CLEC16A: variants seen among roughly 807,000 people sequenced by gnomAD.
CLEC16A encodes the protein protein CLEC16A.
In CLEC16A, 51 loss-of-function variants were observed where a neutral mutation model predicts 109.5. The ratio of observed to expected loss-of-function variants is 0.47; its 90% CI spans 0.37 to 0.59. CLEC16A has a LOEUF of 0.59. CLEC16A is among the 20% of genes least tolerant of loss of function. CLEC16A has a pLI of 0.00. For missense variants in CLEC16A, 1,339 were observed against 1,394.0 expected (o/e 0.96, Z 0.63); for synonymous variants, 673 against 564.2 (o/e 1.19, Z -2.73).
chr16:10,990,462 GA>G (rs2043937821), intron 10 of CLEC16A, among the ~76,000 whole-genome samples: 1 of 152,242 alleles, frequency 6.6e-6, no homozygotes, highest in African/African-American at 2.4e-5. Context: ...TAGTACTTGA[GA>G]AGGGAGCAGG....
intron 11 of CLEC16A, among the ~76,000 whole-genome samples, chr16:11,007,863 C>A (rs923761065): frequency 1.3e-5 from 2 of 151,912 alleles, no homozygotes; most frequent in African/African-American, 4.8e-5. Flanking sequence ...ATCAGCAGGC[C>A]CAGGCGCTGC....
intron 10 of CLEC16A, among the ~76,000 whole-genome samples, chr16:10,998,593 C>T (rs2044470147): frequency 6.6e-6 from 1 of 152,190 alleles, no homozygotes; most frequent in Admixed American, 6.5e-5. Flanking sequence ...GGTGAGCTTG[C>T]TCTTTCATTC....
At chr16:11,030,284 C>G (rs2046664128) in intron 13 of CLEC16A, among the ~76,000 whole-genome samples, 1 of 152,190 alleles carries the variant, frequency 6.6e-6, no homozygotes. Context: ...ATGGCTGAAT[C>G]ATATTTCCCA....
Position 10,982,944 on chromosome 16 carries a change from C to T in CLEC16A, c.1024C>T (p.Leu342=). 1.2e-6 allele frequency: 2 copies of T among 1,612,984 alleles called. No homozygotes were observed. The highest frequency in any genetic ancestry group is 1.7e-6 in the Non-Finnish European group (2 of 1,178,940). Residue 342 remains leucine, a synonymous_variant, in exon 10 of 24, where the codon CTG becomes TTG. Transcript: ENST00000409790. Reference sequence around the variant, plus strand: ...AGCTGAAGTCATTCTGAATGGTGATCTGTCTGAGATGTACGCTAAGACTGA... The same window carrying T: ...AGCTGAAGTCATTCTGAATGGTGATTTGTCTGAGATGTACGCTAAGACTGA... ...SLAEVILNGD[L]SEMYAKTEQD...
intron 22 of CLEC16A, among the ~76,000 whole-genome samples, chr16:11,151,368 G>A (rs1182482897): frequency 1.3e-5 from 2 of 152,312 alleles, no homozygotes; most frequent in South Asian, 2.1e-4. Flanking sequence ...TGCCCACCTG[G>A]TCACACCTGG....
At chr16:11,012,488 G>C (rs527980484) in intron 11 of CLEC16A, among the ~76,000 whole-genome samples, 1 of 151,490 alleles carries the variant, frequency 6.6e-6, no homozygotes. Context: ...CCAGCTACTC[G>C]GGAGGCTGAG....
chr16:11,148,900 G>A (rs1289051706), intron 22 of CLEC16A, among the ~76,000 whole-genome samples: 2 of 152,246 alleles, frequency 1.3e-5, no homozygotes, highest in Non-Finnish European at 2.9e-5. Flanking sequence ...GCAGTTCTGT[G>A]TAGGAGGCAG....
At chr16:11,165,366 C>T (rs968349704) in intron 22 of CLEC16A, among the ~76,000 whole-genome samples, 2 of 152,112 alleles carry the variant, frequency 1.3e-5, no homozygotes, top group South Asian at 2.1e-4. Flanking sequence ...GTGGCATATC[C>T]CTGTAGTCCC....
At chr16:10,948,175 G>A (rs530460078) in intron 1 of CLEC16A, among the ~76,000 whole-genome samples, 1 of 152,326 alleles carries the variant, frequency 6.6e-6, no homozygotes, top group South Asian at 2.1e-4. Context: ...TTACAGGCAT[G>A]AGCCACTGCA....
chr16:11,178,889 A>G lies in CLEC16A; in HGVS notation c.*199A>G. Reference sequence around the variant, plus strand: ...TTCCTTTTTCACTTTGCATCTCTTCACGTGCAGGCTGGGACCAGCGGAGAC... The same window carrying G: ...TTCCTTTTTCACTTTGCATCTCTTCGCGTGCAGGCTGGGACCAGCGGAGAC... On this transcript the variant is annotated 3_prime_UTR_variant, in exon 24 of 24. Coordinates refer to ENST00000409790, the MANE Select transcript of CLEC16A (RefSeq NM_015226.3). This position sits in a 1 kb window ranked among gnomAD's most constrained non-coding sequence, Gnocchi z 6.5. 1 of 537,106 alleles carries G rather than the reference A, an allele frequency of 1.9e-6. No homozygotes were observed. Among genetic ancestry groups the G allele is most frequent in the Non-Finnish European group, 3.3e-6 (1 of 307,418 alleles). 33.3% of individuals were successfully genotyped at this position (537,106 alleles called of 1,614,324 possible).
intron 3 of CLEC16A, among the ~76,000 whole-genome samples, chr16:10,963,682 C>T (rs1327430846): frequency 6.6e-6 from 1 of 152,316 alleles, no homozygotes; most frequent in South Asian, 2.1e-4. Flanking sequence ...GTAATAACCA[C>T]CCCTGAGAGG....
At chr16:11,076,161 G>T (rs1333188306) in intron 19 of CLEC16A, among the ~76,000 whole-genome samples, 1 of 152,076 alleles carries the variant, frequency 6.6e-6, no homozygotes, top group Admixed American at 6.5e-5. Flanking sequence ...TTAAATAGAC[G>T]TCAGACCCTT....
At chr16:11,107,588 G>A (rs997757696) in intron 19 of CLEC16A, among the ~76,000 whole-genome samples, 2 of 152,074 alleles carry the variant, frequency 1.3e-5, no homozygotes, top group Non-Finnish European at 2.9e-5. Flanking sequence ...AAAGTGTCCT[G>A]GATTATGAAG....
chr16:11,096,811 A>G (rs1203934588), intron 19 of CLEC16A, among the ~76,000 whole-genome samples: 2 of 152,224 alleles, frequency 1.3e-5, no homozygotes, highest in African/African-American at 2.4e-5. Context: ...CATGTCTTCT[A>G]TGAAAGATGA....
In CLEC16A at chr16:11,039,890, G is replaced by A. The variant is rs770332275; in HGVS notation, c.1660+14G>A. On this transcript the variant is annotated intron_variant, in intron 14 of 23. Coordinates refer to ENST00000409790, the MANE Select transcript of CLEC16A (RefSeq NM_015226.3). ...CTGCCCAGCCAGGTGCCCACTTGGG[G>A]TGTTGTCTGTCCACAGGGCCACGCA... is the stretch of plus-strand genomic sequence containing the variant. 7 of 1,610,992 alleles carry A rather than the reference G, an allele frequency of 4.3e-6. No homozygotes were observed. The highest frequency in any genetic ancestry group is 5.9e-6 in the Non-Finnish European group (7 of 1,178,622).
intron 22 of CLEC16A, among the ~76,000 whole-genome samples, chr16:11,127,847 G>A (rs1318660348): frequency 6.6e-6 from 1 of 152,106 alleles, no homozygotes; most frequent in African/African-American, 2.4e-5. Context: ...TCCAGCCTGG[G>A]CAACAGAGTG....
At position 11,180,148 on chromosome 16, in the gene CLEC16A, C is replaced by A. The variant is rs754003201; in HGVS notation, c.*1458C>A. 6.6e-6 allele frequency: 1 copy of A among 152,298 alleles called. No homozygotes were observed. Among genetic ancestry groups the A allele is most frequent in the African/African-American group, 2.4e-5 (1 of 41,466 alleles). The allele number at this position is 152,298 out of a possible 1,614,324, so 9.4% of individuals were successfully genotyped here. A position where few individuals can be genotyped will look rare whatever the true frequency, so the allele number is the denominator to read the frequency against. On this transcript the variant is annotated 3_prime_UTR_variant, in exon 24 of 24. Coordinates refer to ENST00000409790, the MANE Select transcript of CLEC16A (RefSeq NM_015226.3). ...GTAGTCTCGGGAGCCGCGCTGAGAT[C>A]TTTTGCCACCTGCATTTTAGAAGAA...
intron 22 of CLEC16A, among the ~76,000 whole-genome samples, chr16:11,142,829 G>A (rs1387387107): frequency 6.6e-6 from 1 of 151,880 alleles, no homozygotes; most frequent in Non-Finnish European, 1.5e-5. Context: ...TATTTTTTTG[G>A]AGACAGAGTC....
At chr16:11,164,954 T>C (rs899241141) in intron 22 of CLEC16A, among the ~76,000 whole-genome samples, 12 of 152,106 alleles carry the variant, frequency 7.9e-5, no homozygotes, top group African/African-American at 2.7e-4. Flanking sequence ...GTGAATGCAT[T>C]CGCTTGAGGA....
Sources: gnomAD v4.1 joint callset for allele counts (sites outside exome capture counted in the v4.1 genomes callset) on GRCh38, gnomAD v4.1.1 for gene constraint, Gnocchi (gnomAD v3.1) non-coding constraint, MANE v1.5 for transcripts, NCBI Gene and HGNC (gene_info 2026-07-23, HGNC 2026-07-21) for gene names.